Variants in ACKR3 observed in about 807,000 individuals in gnomAD.
The protein encoded by ACKR3 is atypical chemokine receptor 3.
Under a neutral mutation model 22.4 loss-of-function variants are expected in ACKR3, and 6 were observed. The observed-to-expected ratio is 0.27, with a 90% CI of 0.15 to 0.53. The LOEUF (loss-of-function observed/expected upper bound fraction) is 0.53, where lower values mean the gene tolerates loss of function less well. ACKR3 is among the 20% of genes least tolerant of loss of function. ACKR3 has a pLI of 0.96. For synonymous variants in ACKR3, 209 were observed against 205.2 expected, an observed-to-expected ratio of 1.02 and a Z score of -0.16; for missense variants, 396 against 475.2, an observed-to-expected ratio of 0.83 and a Z score of 1.55.
intron 1 of ACKR3, among the ~76,000 whole-genome samples, chr2:236,579,855 G>C (rs149606691): frequency 6.6e-6 from 1 of 152,172 alleles, no homozygotes; most frequent in African/African-American, 2.4e-5. Context: ...CACTGGGGCC[G>C]CCTGAGACCC....
upstream of ACKR3, among the ~76,000 whole-genome samples, chr2:236,567,134 G>A (rs1451060538): frequency 6.6e-6 from 1 of 152,122 alleles, no homozygotes; most frequent in African/African-American, 2.4e-5. Flanking sequence ...GAGTAGCTGG[G>A]ATTACAGACG....
chr2:236,551,471 G>A, the ACKR3 span, among the ~76,000 whole-genome samples: 1 of 152,084 alleles, frequency 6.6e-6, no homozygotes, highest in East Asian at 1.9e-4. Context: ...ACAGCAGTCC[G>A]GCAGTGCTGT....
chr2:236,580,214 G>A (rs1460987417), intron 1 of ACKR3, among the ~76,000 whole-genome samples: 1 of 152,224 alleles, frequency 6.6e-6, no homozygotes, highest in Non-Finnish European at 1.5e-5. Context: ...CACAGTTTCT[G>A]TCTTGGAGCA....
the ACKR3 span, among the ~76,000 whole-genome samples, chr2:236,545,584 G>T: frequency 1.3e-5 from 2 of 152,180 alleles, no homozygotes; most frequent in African/African-American, 4.8e-5. The surrounding 1 kb of genome is among the most constrained non-coding windows in gnomAD (Gnocchi z 5.3). Flanking sequence ...TTAGGGCTCC[G>T]GGGAAGAATG....
Position 236,581,445 on chromosome 2 carries a change from T to C in ACKR3, c.980T>C (p.Met327Thr). The change falls in exon 2 of 2, where the codon ATG becomes ACG. Residue 327 changes from methionine (M) to threonine (T), a missense_variant. Met to Thr is a moderately conservative substitution (Grantham distance 81). Coordinates refer to ENST00000272928, the MANE Select transcript of ACKR3 (RefSeq NM_020311.3). This position sits in a 1 kb window ranked among gnomAD's most constrained non-coding sequence, Gnocchi z 4.4. ...AATCGCAACTACAGGTACGAGCTGA[T>C]GAAGGCCTTCATCTTCAAGTACTCG... ...FINRNYRYEL[M>T]KAFIFKYSAK... 6.2e-7 allele frequency: 1 copy of C among 1,614,186 alleles called. No homozygotes were observed. Among genetic ancestry groups the C allele is most frequent in the Admixed American group, 1.7e-5 (1 of 60,026 alleles).
chr2:236,563,839 G>A (rs1691126199), upstream of ACKR3, among the ~76,000 whole-genome samples: 2 of 152,168 alleles, frequency 1.3e-5, no homozygotes, highest in Non-Finnish European at 2.9e-5. Context: ...GTGGGTTACT[G>A]CAGCCGCTGT....
the ACKR3 span, among the ~76,000 whole-genome samples, chr2:236,544,259 A>AT: frequency 6.6e-6 from 1 of 151,922 alleles, no homozygotes; most frequent in Non-Finnish European, 1.5e-5. This position sits in a 1 kb window ranked among gnomAD's most constrained non-coding sequence, Gnocchi z 5.0. Flanking sequence ...AAGTGTTGGG[A>AT]TTACAGGCGT....
the ACKR3 span, among the ~76,000 whole-genome samples, chr2:236,558,588 G>T: frequency 1.3e-5 from 2 of 152,170 alleles, no homozygotes; most frequent in African/African-American, 2.4e-5. Flanking sequence ...GTTACATTGG[G>T]ATAAAGCGGG....
At chr2:236,547,746 GA>G in the ACKR3 span, among the ~76,000 whole-genome samples, 4 of 152,138 alleles carry the variant, frequency 2.6e-5, no homozygotes, top group Non-Finnish European at 5.9e-5. Flanking sequence ...TTTTGCAGCT[GA>G]AAAGTCATAT....
Position 236,580,946 on chromosome 2 carries a change from C to A in ACKR3, c.481C>A (p.Arg161Ser), listed in dbSNP as rs143911695. Residue 161 changes from arginine (R) to serine (S), a missense_variant, in exon 2 of 2, where the codon CGC (arginine) becomes AGC (serine). Coordinates refer to ENST00000272928, the MANE Select transcript of ACKR3 (RefSeq NM_020311.3). ...CCCCAGCAGCAGGAAGAAGATGGTA[C>A]GCCGTGTCGTCTGCATCCTGGTGTG... is the stretch of plus-strand genomic sequence containing the variant. Reference protein sequence around the residue: ...NTPSSRKKMVRRVVCILVWLL... With the variant: ...NTPSSRKKMVSRVVCILVWLL... The A allele has an allele frequency of 6.2e-7, 1 of 1,614,206 alleles. No individual in the cohort carries two copies. Among genetic ancestry groups the A allele is most frequent in the Non-Finnish European group, 8.5e-7 (1 of 1,180,036 alleles).
Position 236,573,446 on chromosome 2 carries a change from G to A in ACKR3, c.-27+3522G>A, listed in dbSNP as rs116067369. ...GCACCATAACCCAGTCTCTTCACCC[G>A]GCCTGGCCTCAGTTTCCAGGTGTGC... On this transcript the variant is annotated intron_variant, in intron 1 of 1. Transcript: ENST00000272928. 9.3e-3 allele frequency among the ~76,000 whole-genome samples: 1,418 copies of A among 152,298 alleles called. 20 individuals are homozygous for A. Among genetic ancestry groups the A allele is most frequent in the African/African-American group, 0.03 (1,265 of 41,546 alleles).
chr2:236,541,866 G>A, the ACKR3 span, among the ~76,000 whole-genome samples: 2 of 152,184 alleles, frequency 1.3e-5, no homozygotes, highest in Non-Finnish European at 2.9e-5. Context: ...CTGCCACCAC[G>A]TAAGATGTGA....
At chr2:236,554,600 C>T in the ACKR3 span, among the ~76,000 whole-genome samples, 1 of 152,164 alleles carries the variant, frequency 6.6e-6, no homozygotes, top group African/African-American at 2.4e-5. Flanking sequence ...AGAAACCTGT[C>T]CTCTTGGGCA....
chr2:236,554,277 A>G, the ACKR3 span, among the ~76,000 whole-genome samples: 1 of 152,246 alleles, frequency 6.6e-6, no homozygotes, highest in African/African-American at 2.4e-5. Context: ...AATCAATTCC[A>G]AATAAGAGCT....
the ACKR3 span, among the ~76,000 whole-genome samples, chr2:236,545,063 T>C: frequency 9.9e-5 from 15 of 152,148 alleles, no homozygotes; most frequent in African/African-American, 3.6e-4. The surrounding 1 kb of genome is among the most constrained non-coding windows in gnomAD (Gnocchi z 5.3). Flanking sequence ...GCCTGATATC[T>C]TGGGGCTGCC....
chr2:236,553,985 T>A, the ACKR3 span, among the ~76,000 whole-genome samples: 21 of 152,212 alleles, frequency 1.4e-4, no homozygotes, highest in Non-Finnish European at 1.5e-5. Context: ...TGCATCGTAG[T>A]TGGTGAGGGT....
chr2:236,554,844 G>T, the ACKR3 span, among the ~76,000 whole-genome samples: 1 of 152,244 alleles, frequency 6.6e-6, no homozygotes, highest in Admixed American at 6.5e-5. Context: ...AACTGGCATA[G>T]TAGAAATAGT....
chr2:236,581,828 G>A lies in ACKR3; in HGVS notation c.*274G>A, dbSNP rs1455919188. 5 of 308,402 alleles carry A rather than the reference G, an allele frequency of 1.6e-5. No homozygotes were observed. The highest frequency in any genetic ancestry group is 4.6e-5 in the Admixed American group (1 of 21,696). 19.1% of individuals were successfully genotyped at this position (308,402 alleles called of 1,614,324 possible). ...TGAGGACAGGCTTGCCTGGACTTCT[G>A]TAAGATAGGATTTTCTGTGTTTCCT... On this transcript the variant is annotated 3_prime_UTR_variant, in exon 2 of 2. Coordinates refer to ENST00000272928, the MANE Select transcript of ACKR3 (RefSeq NM_020311.3). The surrounding 1 kb of genome is among the most constrained non-coding windows in gnomAD (Gnocchi z 4.4).
At chr2:236,558,695 T>C in the ACKR3 span, among the ~76,000 whole-genome samples, 1 of 152,214 alleles carries the variant, frequency 6.6e-6, no homozygotes, top group Non-Finnish European at 1.5e-5. Context: ...GGAATAAAGA[T>C]TCTTTGTTCT....
Sources: gnomAD v4.1 joint callset for allele counts (sites outside exome capture counted in the v4.1 genomes callset) on GRCh38, gnomAD v4.1.1 for gene constraint, Gnocchi (gnomAD v3.1) non-coding constraint, MANE v1.5 for transcripts, NCBI Gene and HGNC (gene_info 2026-07-23, HGNC 2026-07-21) for gene names.